PPBP: variants seen among roughly 807,000 people sequenced by gnomAD.
The protein encoded by PPBP is platelet basic protein.
In PPBP, 8 loss-of-function variants were observed where a neutral mutation model predicts 8.3. The observed-to-expected ratio is 0.97, with a 90% CI of 0.57 to 1.75. The LOEUF (loss-of-function observed/expected upper bound fraction) is 1.75. PPBP is among the 40% of genes most tolerant of loss of function. PPBP has a pLI of 0.00. For missense variants in PPBP, 169 were observed against 149.2 expected, an observed-to-expected ratio of 1.13 and a Z score of -0.69; for synonymous variants, 64 against 58.9, an observed-to-expected ratio of 1.09 and a Z score of -0.40.
At position 73,987,169 on chromosome 4, in the gene PPBP, C is replaced by A; in HGVS notation, c.*103G>T. The stretch of plus-strand genomic sequence containing the variant: ...TGAAACACATATCCAAATTTTAATA[C>A]AGTAAGAATAGGTATCCTGAATAAA... On this transcript the variant is annotated 3_prime_UTR_variant, in exon 3 of 3. Coordinates refer to ENST00000296028, the MANE Select transcript of PPBP (RefSeq NM_002704.3). 1.0e-6 allele frequency: 1 copy of A among 997,478 alleles called. No homozygotes were observed. Among genetic ancestry groups the A allele is most frequent in the Admixed American group, 2.4e-5 (1 of 41,108 alleles). The allele number at this position is 997,478 out of a possible 1,614,324, so 61.8% of individuals were successfully genotyped here. A position where few individuals can be genotyped will look rare whatever the true frequency, so the allele number is the denominator to read the frequency against.
chr4:73,987,413 C>A, intron 2 of PPBP, 39 bp from the exon 3 acceptor site: 2 of 1,607,268 alleles, frequency 1.2e-6, no homozygotes, highest in Non-Finnish European at 1.7e-6. Context: ...GTGTCCTGAT[C>A]TGAATATCAG....
chr4:73,987,308 T>C lies in PPBP; in HGVS notation c.351A>G (p.Val117=). Residue 117 remains valine (V), a synonymous_variant, in exon 3 of 3, where the codon GTA becomes GTG. Coordinates refer to ENST00000296028, the MANE Select transcript of PPBP (RefSeq NM_002704.3). The part of the protein sequence containing the change: ...DPDAPRIKKI[V]QKKLAGDESA... ...ATTCATCACCTGCCAATTTTTTCTG[T>C]ACAATTTTCTTGATTCTGGGAGCAT... is the stretch of plus-strand genomic sequence containing the variant. 1 of 1,613,880 alleles carries C rather than the reference T, an allele frequency of 6.2e-7. No homozygotes were observed. The highest frequency in any genetic ancestry group is 8.5e-7 in the Non-Finnish European group (1 of 1,179,772).
At position 73,987,367 on chromosome 4, in the gene PPBP, G is replaced by C. The variant is rs367724966; in HGVS notation, c.292C>G (p.Leu98Val). ...AGGCAGATTTTCCTCCCATCCTTCA[G>C]TGTGGCTCTGCAAAAGAGAACAGGG... ...HCNQVEVIAT[L>V]KDGRKICLDP... Residue 98 changes from leucine to valine, a missense_variant, in exon 3 of 3, where the codon CTG (leucine) becomes GTG (valine). Coordinates refer to ENST00000296028, the MANE Select transcript of PPBP (RefSeq NM_002704.3). 44 of 1,613,272 alleles carry C rather than the reference G, an allele frequency of 2.7e-5. No individual in the cohort carries two copies. In the Admixed American group the frequency reaches 7.0e-4, roughly 26 times the overall value.
At chr4:73,987,873 G>A (rs1195720938) in intron 1 of PPBP, 83 bp downstream of exon 1, 2 of 1,586,178 alleles carry the variant, frequency 1.3e-6, no homozygotes, top group African/African-American at 2.7e-5. Context: ...GCCCTCTCCA[G>A]CCCCAAAGGC....
chr4:73,988,177 G>A lies in PPBP; in HGVS notation c.-74C>T. On this transcript the variant is annotated 5_prime_UTR_variant, in exon 1 of 3. Coordinates refer to ENST00000296028, the MANE Select transcript of PPBP (RefSeq NM_002704.3). ...AGTGAGGGTGAGTTGCTGCCTACAAGTCTGCAGATAAGTGGCTTCTCATGC... is the reference window on the plus strand; with the variant it reads ...AGTGAGGGTGAGTTGCTGCCTACAAATCTGCAGATAAGTGGCTTCTCATGC... 6.5e-7 allele frequency: 1 copy of A among 1,541,354 alleles called. No homozygotes were observed. Among genetic ancestry groups the A allele is most frequent in the South Asian group, 1.1e-5 (1 of 89,090 alleles).
chr4:73,987,499 A>G lies in PPBP; in HGVS notation c.284+18T>C, dbSNP rs1718996119. 1.3e-5 allele frequency: 21 copies of G among 1,612,336 alleles called. No individual in the cohort carries two copies. The highest frequency in any genetic ancestry group is 1.8e-5 in the Non-Finnish European group (21 of 1,178,576). ...AGGGTTTCTCTGATAAGGCAATAGC[A>G]CAGAAACAGCAACTTACATCACTTC... On this transcript the variant is annotated intron_variant, in intron 2 of 2. Coordinates refer to ENST00000296028, the MANE Select transcript of PPBP (RefSeq NM_002704.3).
At position 73,988,072 on chromosome 4, in the gene PPBP, C is replaced by G; in HGVS notation, c.32G>C (p.Cys11Ser). 1 of 1,614,036 alleles carries G rather than the reference C, an allele frequency of 6.2e-7. No homozygotes were observed. The highest frequency in any genetic ancestry group is 8.5e-7 in the Non-Finnish European group (1 of 1,179,936). Residue 11 changes from cysteine (C) to serine (S), a missense_variant, in exon 1 of 3, where the codon TGT (cysteine) becomes TCT (serine). Cys to Ser is a moderately radical substitution (Grantham distance 112). Coordinates refer to ENST00000296028, the MANE Select transcript of PPBP (RefSeq NM_002704.3). ...GGCATGAAGTGGTCTCGCACTGTTA[C>G]AGGAAGGGGTGGTATCAAGTCTGAG... MSLRLDTTPS[C>S]NSARPLHALQ...
rs757180957 is a variant in PPBP, at chr4:73,988,060, C to T, written c.44G>A (p.Arg15Lys). 3.1e-6 allele frequency: 5 copies of T among 1,613,936 alleles called. No individual in the cohort carries two copies. The Admixed American group carries it at 5.0e-5, about 16-fold the overall frequency. ...LDTTPSCNSARPLHALQVLLL... is the reference protein window; with the variant it reads ...LDTTPSCNSAKPLHALQVLLL... The stretch of plus-strand genomic sequence containing the variant: ...CAGCACCTGCAAGGCATGAAGTGGT[C>T]TCGCACTGTTACAGGAAGGGGTGGT... Residue 15 changes from arginine (R) to lysine (K), a missense_variant, in exon 1 of 3, where the codon AGA (arginine) becomes AAA (lysine). By Grantham distance (26) the Arg-to-Lys change is conservative (BLOSUM62 2). Coordinates refer to ENST00000296028, the MANE Select transcript of PPBP (RefSeq NM_002704.3).
Position 73,986,600 on chromosome 4 carries a change from G to T in PPBP, c.*672C>A, listed in dbSNP as rs1453811192. On this transcript the variant is annotated 3_prime_UTR_variant, in exon 3 of 3. Coordinates refer to ENST00000296028, the MANE Select transcript of PPBP (RefSeq NM_002704.3). ...GTCCTATATTGTACTTATTTATAAG[G>T]CTCATTCTAATGATAGAATTATAAC... Among the ~76,000 whole-genome samples, 1 of 151,944 alleles carries T rather than the reference G, an allele frequency of 6.6e-6. No individual in the cohort carries two copies. The highest frequency in any genetic ancestry group is 2.4e-5 in the African/African-American group (1 of 41,378).
rs762380605 is a variant in PPBP, at chr4:73,987,937, A to G, written c.148+19T>C. On this transcript the variant is annotated intron_variant, in intron 1 of 2. Coordinates refer to ENST00000296028, the MANE Select transcript of PPBP (RefSeq NM_002704.3). ...GTGTAGCAGAAGCAGCAACAAGTGC[A>G]GAGAAGCAGGGCCTCTACCTTTGCC... 1.2e-6 allele frequency: 2 copies of G among 1,614,082 alleles called. No homozygotes were observed. The highest frequency in any genetic ancestry group is 3.3e-5 in the Admixed American group (2 of 60,024).
Position 73,987,612 on chromosome 4 carries a change from G to C in PPBP, c.189C>G (p.Cys63Trp). 1 of 1,613,896 alleles carries C rather than the reference G, an allele frequency of 6.2e-7. No homozygotes were observed. Among genetic ancestry groups the C allele is most frequent in the Non-Finnish European group, 8.5e-7 (1 of 1,179,804 alleles). The change falls in exon 2 of 3, where the codon TGC (cysteine) becomes TGG (tryptophan). Residue 63 changes from cysteine to tryptophan, a missense_variant. Physicochemically the swap from Cys to Trp is radical, Grantham distance 215 (BLOSUM62 -2). Transcript: ENST00000296028. Reference protein sequence around the residue: ...LDSDLYAELRCMCIKTTSGIH... With the variant: ...LDSDLYAELRWMCIKTTSGIH... ...TTCCAGAGGTTGTCTTTATACACAT[G>C]CAGCGGAGTTCAGCATACAAGTCAC...
At chr4:73,987,912 G>A (rs1411119844) in intron 1 of PPBP, 44 bp downstream of exon 1, 8 of 1,612,958 alleles carry the variant, frequency 5.0e-6, no homozygotes, top group African/African-American at 1.3e-5. Context: ...CCAGAGACAG[G>A]TGTAGCAGAA....
chr4:73,987,238 G>C lies in PPBP; in HGVS notation c.*34C>G. On this transcript the variant is annotated 3_prime_UTR_variant, in exon 3 of 3. Transcript: ENST00000296028. ...AAGGTTTCAAAATTCTACCCTTCCT[G>C]GGAGTTAAAGAAGTTTGGCAGAAAC... 1 of 1,533,424 alleles carries C rather than the reference G, an allele frequency of 6.5e-7. No homozygotes were observed. The highest frequency in any genetic ancestry group is 9.0e-7 in the Non-Finnish European group (1 of 1,107,972). The allele number at this position is 1,533,424 out of a possible 1,614,324, so 95.0% of individuals were successfully genotyped here. A position where few individuals can be genotyped will look rare whatever the true frequency, so the allele number is the denominator to read the frequency against.
At position 73,987,968 on chromosome 4, in the gene PPBP, C is replaced by T. The variant is rs1719009627; in HGVS notation, c.136G>A (p.Ala46Thr). Residue 46 changes from alanine (A) to threonine (T), a missense_variant, in exon 1 of 3, where the codon GCG becomes ACG. By Grantham distance (58) the Ala-to-Thr change is moderately conservative. Transcript: ENST00000296028. ...GCAGGGCCTCTACCTTTGCCTTTCGCCAAGTTTCTCTTAGTTTGTCCTTTG... is the reference window on the plus strand; with the variant it reads ...GCAGGGCCTCTACCTTTGCCTTTCGTCAAGTTTCTCTTAGTTTGTCCTTTG... Reference protein sequence around the residue: ...STKGQTKRNLAKGKEESLDSD... With the variant: ...STKGQTKRNLTKGKEESLDSD... The T allele has an allele frequency of 2.5e-6, 4 of 1,613,964 alleles. No individual in the cohort carries two copies. The highest frequency in any genetic ancestry group is 1.7e-5 in the Admixed American group (1 of 59,992).
rs762871736 is a variant in PPBP, at chr4:73,987,091, C to A, written c.*181G>T. 14 of 618,050 alleles carry A rather than the reference C, an allele frequency of 2.3e-5. No homozygotes were observed. The highest frequency in any genetic ancestry group is 3.6e-5 in the Non-Finnish European group (13 of 357,284). The allele number at this position is 618,050 out of a possible 1,614,324, so 38.3% of individuals were successfully genotyped here. A position where few individuals can be genotyped will look rare whatever the true frequency, so the allele number is the denominator to read the frequency against. On this transcript the variant is annotated 3_prime_UTR_variant, in exon 3 of 3. Coordinates refer to ENST00000296028, the MANE Select transcript of PPBP (RefSeq NM_002704.3). The stretch of plus-strand genomic sequence containing the variant: ...AGGCTTATTTATTTTCATCTTCTTT[C>A]TGCCATCTTTTAACCAACCTTCTCA...
At position 73,988,090 on chromosome 4, in the gene PPBP, A is replaced by G; in HGVS notation, c.14T>C (p.Leu5Pro). ...ACTGTTACAGGAAGGGGTGGTATCA[A>G]GTCTGAGGCTCATGGTGGAGAAGGC... MSLR[L>P]DTTPSCNSAR... The change falls in exon 1 of 3, where the codon CTT becomes CCT. Residue 5 changes from leucine to proline, a missense_variant. Coordinates refer to ENST00000296028, the MANE Select transcript of PPBP (RefSeq NM_002704.3). The G allele has an allele frequency of 6.2e-7, 1 of 1,614,070 alleles. No homozygotes were observed.
Position 73,986,900 on chromosome 4 carries a change from C to A in PPBP, c.*372G>T, listed in dbSNP as rs922343523. ...ATTCTCTGTTGGGCTCCATGTAATTCCTATTATCATTGACCATTATGAAAT... is the reference window on the plus strand; with the variant it reads ...ATTCTCTGTTGGGCTCCATGTAATTACTATTATCATTGACCATTATGAAAT... On this transcript the variant is annotated 3_prime_UTR_variant, in exon 3 of 3. Transcript: ENST00000296028. 5 of 204,862 alleles carry A rather than the reference C, an allele frequency of 2.4e-5. No individual in the cohort carries two copies. The Admixed American group carries it at 2.9e-4, about 12-fold the overall frequency. The allele number at this position is 204,862 out of a possible 1,614,324, so 12.7% of individuals were successfully genotyped here. A position where few individuals can be genotyped will look rare whatever the true frequency, so the allele number is the denominator to read the frequency against.
chr4:73,987,489 A>G (rs1578179808), intron 2 of PPBP, 28 bp downstream of exon 2: 1 of 1,610,490 alleles, frequency 6.2e-7, no homozygotes. Context: ...TTCTCTGATA[A>G]GGCAATAGCA....
chr4:73,988,050 A>G lies in PPBP; in HGVS notation c.54T>C (p.His18=), dbSNP rs1719012347. 2 of 1,613,928 alleles carry G rather than the reference A, an allele frequency of 1.2e-6. No homozygotes were observed. Among genetic ancestry groups the G allele is most frequent in the African/African-American group, 1.3e-5 (1 of 74,930 alleles). Residue 18 remains histidine, a synonymous_variant, in exon 1 of 3, where the codon CAT becomes CAC. Transcript: ENST00000296028. ...ACAGAAGCAGCAGCACCTGCAAGGC[A>G]TGAAGTGGTCTCGCACTGTTACAGG... The part of the protein sequence containing the change: ...TPSCNSARPL[H]ALQVLLLLSL...
Sources: allele counts gnomAD v4.1 joint callset (sites outside exome capture counted in the v4.1 genomes callset), GRCh38; gene constraint gnomAD v4.1.1; transcripts MANE v1.5; gene names NCBI Gene and HGNC (gene_info 2026-07-23, HGNC 2026-07-21).